Variants in ZNF143 observed in about 807,000 individuals in gnomAD.
ZNF143 encodes the protein SPH-binding factor.
A neutral mutation model predicts 74.1 loss-of-function variants in ZNF143; 49 were observed. The observed-to-expected ratio is 0.66, with a 90% CI of 0.53 to 0.84. ZNF143 has a LOEUF of 0.84. ZNF143 is among the 40% of genes least tolerant of loss of function. ZNF143 has a pLI of 0.00. For missense variants in ZNF143, 637 were observed against 793.4 expected (o/e 0.80, Z 2.37); for synonymous variants, 304 against 282.8 (o/e 1.07, Z -0.75).
At chr11:9,512,928 C>T (rs1431005625) in intron 13 of ZNF143, among the ~76,000 whole-genome samples, 2 of 152,148 alleles carry the variant, frequency 1.3e-5, no homozygotes, top group South Asian at 2.1e-4. Flanking sequence ...TGATTAGATG[C>T]AGGAGGTGAG....
chr11:9,479,673 A>G (rs934611722), intron 7 of ZNF143, 127 bp downstream of exon 7: 9 of 674,868 alleles, frequency 1.3e-5, no homozygotes, highest in Non-Finnish European at 2.0e-5. Context: ...AAAACAATGT[A>G]TGTATTGGGC....
chr11:9,486,431 ATATATATAATATAT>A (rs1847538228), intron 7 of ZNF143, among the ~76,000 whole-genome samples: 4 of 46,788 alleles, frequency 8.5e-5, no homozygotes, highest in Non-Finnish European at 1.3e-4. Context: ...TATATATATT[ATATATATAATATAT>A]TATATATATT....
In ZNF143 at chr11:9,516,133, G is replaced by T. The variant is rs1051657599; in HGVS notation, c.1525-68G>T. On this transcript the variant is annotated intron_variant, in intron 13 of 15. Coordinates refer to ENST00000396602, the MANE Select transcript of ZNF143 (RefSeq NM_003442.6). ...CAAACTTATACAAGGATTAGTCCTG[G>T]TCCTTATGGAAGATTGTCAGCTATA... 7 of 1,520,978 alleles carry T rather than the reference G, an allele frequency of 4.6e-6. No homozygotes were observed. The African/African-American group carries it at 8.2e-5, about 18-fold the overall frequency. The allele number at this position is 1,520,978 out of a possible 1,614,324, so 94.2% of individuals were successfully genotyped here. A position where few individuals can be genotyped will look rare whatever the true frequency, so the allele number is the denominator to read the frequency against.
At chr11:9,526,983 C>A (rs961699462) in intron 15 of ZNF143, among the ~76,000 whole-genome samples, 8 of 152,144 alleles carry the variant, frequency 5.3e-5, no homozygotes, top group Admixed American at 3.9e-4. Flanking sequence ...CATCACCACG[C>A]CCAGCAATTT....
At chr11:9,491,372 C>T (rs1312240191) in intron 7 of ZNF143, among the ~76,000 whole-genome samples, 1 of 151,704 alleles carries the variant, frequency 6.6e-6, no homozygotes, top group Non-Finnish European at 1.5e-5. Flanking sequence ...CGCGGTGGCT[C>T]ACACCTGTAA....
At chr11:9,526,508 TG>T (rs1372879146) in intron 15 of ZNF143, among the ~76,000 whole-genome samples, 1 of 152,082 alleles carries the variant, frequency 6.6e-6, no homozygotes, top group Non-Finnish European at 1.5e-5. Context: ...ATGTAGTTTA[TG>T]GGTATAGAAG....
chr11:9,516,621 TGTTCAGTA>T (rs2134212065), intron 14 of ZNF143, among the ~76,000 whole-genome samples: 1 of 152,324 alleles, frequency 6.6e-6, no homozygotes, highest in African/African-American at 2.4e-5. Flanking sequence ...ATATATTAAG[TGTTCAGTA>T]GTGGTAGCTA....
intron 14 of ZNF143, among the ~76,000 whole-genome samples, chr11:9,521,178 A>G (rs566287480): frequency 6.6e-6 from 1 of 152,334 alleles, no homozygotes; most frequent in South Asian, 2.1e-4. Context: ...CATTTACATC[A>G]GGATTCACTG....
intron 13 of ZNF143, among the ~76,000 whole-genome samples, chr11:9,515,143 T>C (rs1848678982): frequency 6.6e-6 from 1 of 151,844 alleles, no homozygotes. Flanking sequence ...AAGTCTGAAC[T>C]ATAGGTGATG....
chr11:9,518,831 G>A (rs1403511214), intron 14 of ZNF143, among the ~76,000 whole-genome samples: 2 of 152,030 alleles, frequency 1.3e-5, no homozygotes, highest in African/African-American at 4.8e-5. Flanking sequence ...TTTTCAGAAA[G>A]GTTTAGTAAT....
At chr11:9,508,019 GT>G (rs567058033) in intron 11 of ZNF143, among the ~76,000 whole-genome samples, 2 of 152,272 alleles carry the variant, frequency 1.3e-5, no homozygotes, top group Non-Finnish European at 2.9e-5. Flanking sequence ...TGCCTATAAT[GT>G]TCTCAAGCTG....
chr11:9,477,214 T>TTCCCTC (rs1856979265), intron 5 of ZNF143, among the ~76,000 whole-genome samples: 2 of 109,068 alleles, frequency 1.8e-5, no homozygotes, highest in African/African-American at 6.9e-5. Context: ...TCCCTTCCCT[T>TTCCCTC]CCTTCCCTTC....
At chr11:9,519,248 G>T (rs1848828594) in intron 14 of ZNF143, among the ~76,000 whole-genome samples, 2 of 150,590 alleles carry the variant, frequency 1.3e-5, no homozygotes, top group Admixed American at 1.3e-4. Flanking sequence ...GCCTCACTCT[G>T]TCACCCTGGC....
chr11:9,476,603 C>G (rs192460118), intron 5 of ZNF143, among the ~76,000 whole-genome samples: 2 of 151,930 alleles, frequency 1.3e-5, no homozygotes, highest in East Asian at 3.9e-4. Context: ...AACTCCTGAC[C>G]TCAGGTGATC....
intron 11 of ZNF143, among the ~76,000 whole-genome samples, chr11:9,502,562 A>G (rs1464315659): frequency 1.3e-5 from 2 of 149,998 alleles, no homozygotes; most frequent in Non-Finnish European, 3.0e-5. Flanking sequence ...GTGAGTTGAG[A>G]TCGCACCACT....
intron 12 of ZNF143, among the ~76,000 whole-genome samples, chr11:9,511,473 T>C (rs964799761): frequency 5.3e-5 from 8 of 151,136 alleles, no homozygotes; most frequent in Admixed American, 3.3e-4. Context: ...TTTTTTTTTT[T>C]TTTGTATTTT....
At chr11:9,515,497 A>C (rs10770035) in intron 13 of ZNF143, among the ~76,000 whole-genome samples, 86,555 of 150,586 alleles carry the variant, frequency 0.57, 26,721 homozygotes, top group Middle Eastern at 0.78. Context: ...AAAACACACA[A>C]AAAAAAATTA....
intron 11 of ZNF143, among the ~76,000 whole-genome samples, chr11:9,501,966 C>G (rs1436504381): frequency 6.0e-5 from 5 of 83,246 alleles, no homozygotes; most frequent in Non-Finnish European, 8.5e-5. Context: ...GATGGAGTTT[C>G]GCTGTTGTTG....
intron 5 of ZNF143, 25 bp from the exon 6 acceptor site, chr11:9,478,365 A>T: frequency 6.3e-7 from 1 of 1,593,266 alleles, no homozygotes. Flanking sequence ...CTTTAATTTA[A>T]TGGCATTCTC....
Sources: allele counts gnomAD v4.1 joint callset (sites outside exome capture counted in the v4.1 genomes callset), GRCh38; gene constraint gnomAD v4.1.1; transcripts MANE v1.5; gene names NCBI Gene and HGNC (gene_info 2026-07-23, HGNC 2026-07-21).